Variants in NARF observed in about 807,000 individuals in gnomAD.
NARF encodes the protein iron-only hydrogenase-like protein 2.
In NARF, 41 loss-of-function variants were observed where a neutral mutation model predicts 48.0. That is an observed-to-expected ratio of 0.85 (90% CI 0.66 to 1.11). NARF has a LOEUF of 1.11. Among genes scored for constraint, NARF ranks in the 50% least tolerant of loss-of-function variants. The pLI, the probability that NARF is intolerant of heterozygous loss-of-function variation, is 0.00. For missense variants in NARF, 613 were observed against 590.2 expected, an observed-to-expected ratio of 1.04 and a Z score of -0.40; for synonymous variants, 215 against 225.5, an observed-to-expected ratio of 0.95 and a Z score of 0.42.
At chr17:82,482,441 T>TTGACAAAATAAAAACATGCGCGGTGGG in intron 7 of NARF, 7 of 168,576 alleles carry the variant, frequency 4.2e-5, no homozygotes, top group Middle Eastern at 2.3e-3. Context: ...CGGTGGGCTG[T>TTGACAAAATAAAAACATGCGCGGTGGG]CAGAAGAACC....
At chr17:82,464,843 A>G (rs2043525545) in intron 3 of NARF, among the ~76,000 whole-genome samples, 1 of 152,064 alleles carries the variant, frequency 6.6e-6, no homozygotes, top group Non-Finnish European at 1.5e-5. Context: ...AGGCAGAGAC[A>G]CTCCAAGGAA....
At chr17:82,473,064 C>A (rs2043751311) in intron 5 of NARF, among the ~76,000 whole-genome samples, 1 of 149,366 alleles carries the variant, frequency 6.7e-6, no homozygotes, top group Admixed American at 6.7e-5. Flanking sequence ...CCTTAGCCTG[C>A]CAAGTAGCTG....
At chr17:82,481,021 C>G in intron 6 of NARF, 61 bp from the exon 7 acceptor site, 1 of 1,608,986 alleles carries the variant, frequency 6.2e-7, no homozygotes, top group East Asian at 2.2e-5. Context: ...GTTCTGGGCA[C>G]CAAGCGTAAG....
intron 5 of NARF, among the ~76,000 whole-genome samples, chr17:82,475,681 G>T (rs138956649): frequency 1.3e-5 from 2 of 152,204 alleles, no homozygotes; most frequent in Non-Finnish European, 2.9e-5. Flanking sequence ...CTGGAGAAGA[G>T]AAAGGATTTG....
At chr17:82,461,081 A>ATTTATT (rs1488540686) in intron 2 of NARF, 2 of 151,436 alleles carry the variant, frequency 1.3e-5, no homozygotes, top group Admixed American at 6.6e-5. Context: ...TGCTCAGCTA[A>ATTTATT]TTTATTTTTA....
At chr17:82,462,995 A>G (rs1442287569) in intron 2 of NARF, 1 of 152,084 alleles carries the variant, frequency 6.6e-6, no homozygotes, top group Non-Finnish European at 1.5e-5. Flanking sequence ...CAAACTCTTG[A>G]GCCCCATGCG....
intron 6 of NARF, chr17:82,480,009 G>T (rs2043923702): frequency 6.4e-6 from 1 of 155,952 alleles, no homozygotes; most frequent in Non-Finnish European, 1.4e-5. Flanking sequence ...GCCATGAGGG[G>T]CAGCCGCAGA....
chr17:82,490,123 TG>T lies in NARF; in HGVS notation c.*1968del, dbSNP rs1362660272. The T allele has an allele frequency of 2.6e-5, 4 of 152,258 alleles. No homozygotes were observed. Among genetic ancestry groups the T allele is most frequent in the Non-Finnish European group, 5.9e-5 (4 of 68,080 alleles). 9.4% of individuals were successfully genotyped at this position (152,258 alleles called of 1,614,324 possible). ...GATTACAGGCGTGAGCCACTGCACC[TG>T]GCAAAAAATTTTTTTTTAAAAAGGA... On this transcript the variant is annotated 3_prime_UTR_variant, in exon 11 of 11. Coordinates refer to ENST00000309794, the MANE Select transcript of NARF (RefSeq NM_012336.4).
At chr17:82,474,353 C>CT (rs1567938013) in intron 5 of NARF, among the ~76,000 whole-genome samples, 2 of 152,150 alleles carry the variant, frequency 1.3e-5, no homozygotes, top group African/African-American at 4.8e-5. Context: ...TTAAACCACT[C>CT]TTTAATTGGT....
intron 3 of NARF, 66 bp from the exon 4 acceptor site, chr17:82,468,698 A>G: frequency 6.6e-7 from 1 of 1,506,996 alleles, no homozygotes; most frequent in Non-Finnish European, 9.1e-7. Flanking sequence ...ATTTCTCATT[A>G]AGGTGTGTAA....
Position 82,475,821 on chromosome 17 carries a change from A to G in NARF, c.521-2979A>G, listed in dbSNP as rs568496465. ...AATCAGCAATCTGCTCAGGATTCACATCAGCAGAGTTAGTTCCTTCAGTGA... is the reference window on the plus strand; with the variant it reads ...AATCAGCAATCTGCTCAGGATTCACGTCAGCAGAGTTAGTTCCTTCAGTGA... On this transcript the variant is annotated intron_variant, in intron 5 of 10. Coordinates refer to ENST00000309794, the MANE Select transcript of NARF (RefSeq NM_012336.4). Among the ~76,000 whole-genome samples, 11 of 152,310 alleles carry G rather than the reference A, an allele frequency of 7.2e-5. No homozygotes were observed. The South Asian group carries it at 2.1e-3, about 29-fold the overall frequency.
At chr17:82,458,923 C>A (rs900438368) in intron 1 of NARF, 93 bp downstream of exon 1, 293 of 1,249,706 alleles carry the variant, frequency 2.3e-4, no homozygotes, top group East Asian at 4.0e-4. Context: ...GCCGCTCGCT[C>A]GCTTCAGGGC....
intron 4 of NARF, among the ~76,000 whole-genome samples, chr17:82,471,810 AT>A (rs2043716270): frequency 6.7e-6 from 1 of 148,800 alleles, no homozygotes; most frequent in Admixed American, 6.8e-5. Context: ...AAAAAAAAGT[AT>A]GCCCAGCCAT....
In NARF at chr17:82,478,876, G is replaced by A. The variant is rs2043896143; in HGVS notation, c.597G>A (p.Gln199=). The change falls in exon 6 of 11, where the codon CAG becomes CAA. Residue 199 remains glutamine (Q), a synonymous_variant. Coordinates refer to ENST00000309794, the MANE Select transcript of NARF (RefSeq NM_012336.4). ...TCTGCACCGCCAAGTCCCCCCAGCA[G>A]GTCATGGGCTCTTTGGTGAAGGATT... The part of the protein sequence containing the change: ...AHLCTAKSPQ[Q]VMGSLVKDYF... 1 of 1,614,064 alleles carries A rather than the reference G, an allele frequency of 6.2e-7. No individual in the cohort carries two copies. The highest frequency in any genetic ancestry group is 8.5e-7 in the Non-Finnish European group (1 of 1,179,998).
intron 5 of NARF, 178 bp from the exon 6 acceptor site, chr17:82,478,622 C>T (rs1567940972): frequency 1.4e-6 from 1 of 694,506 alleles, no homozygotes; most frequent in South Asian, 1.5e-5. Context: ...CCATGACCCA[C>T]AGCCGGGCCA....
intron 3 of NARF, among the ~76,000 whole-genome samples, chr17:82,467,694 G>A (rs1379178298): frequency 2.6e-5 from 4 of 151,628 alleles, no homozygotes; most frequent in African/African-American, 9.7e-5. Context: ...TAGTAGAGAT[G>A]GGTTTCGCCA....
chr17:82,487,576 A>C (rs1235090648), intron 10 of NARF, among the ~76,000 whole-genome samples: 1 of 151,922 alleles, frequency 6.6e-6, no homozygotes, highest in East Asian at 1.9e-4. Context: ...TGGCCTGTTC[A>C]GCCAGCCCTA....
At chr17:82,460,203 G>A (rs755735832) in intron 2 of NARF, 131 bp downstream of exon 2, 20 of 727,492 alleles carry the variant, frequency 2.7e-5, no homozygotes, top group East Asian at 2.4e-4. Flanking sequence ...GGTGGCTCAC[G>A]CCTGGAATCC....
chr17:82,480,354 CAG>C, intron 6 of NARF: 1 of 401,726 alleles, frequency 2.5e-6, no homozygotes, highest in Non-Finnish European at 4.4e-6. Flanking sequence ...GGACCAGCAA[CAG>C]CTCCACGCCG....
Sources: gnomAD v4.1 joint callset for allele counts (sites outside exome capture counted in the v4.1 genomes callset) on GRCh38, gnomAD v4.1.1 for gene constraint, MANE v1.5 for transcripts, NCBI Gene and HGNC (gene_info 2026-07-23, HGNC 2026-07-21) for gene names.